COL14A1: variants seen among roughly 807,000 people sequenced by gnomAD.
The protein encoded by COL14A1 is collagen alpha-1(XIV) chain.
Under a neutral mutation model 230.3 loss-of-function variants are expected in COL14A1, and 136 were observed. The ratio of observed to expected loss-of-function variants is 0.59; its 90% CI spans 0.51 to 0.68. COL14A1 has a LOEUF of 0.68. Among genes scored for constraint, COL14A1 ranks in the 30% least tolerant of loss-of-function variants. The pLI, the probability that COL14A1 is intolerant of heterozygous loss-of-function variation, is 0.00. For synonymous variants in COL14A1, 792 were observed against 784.1 expected (o/e 1.01, Z -0.17); for missense variants, 1,976 against 2,215.8 (o/e 0.89, Z 2.17).
At chr8:120,163,090 G>T (rs1040971279) in intron 4 of COL14A1, among the ~76,000 whole-genome samples, 6 of 152,158 alleles carry the variant, frequency 3.9e-5, no homozygotes, top group African/African-American at 1.4e-4. Flanking sequence ...CCCAGAAGGC[G>T]CCAGTCCAGG....
intron 36 of COL14A1, among the ~76,000 whole-genome samples, chr8:120,302,922 G>T (rs1174480435): frequency 1.3e-5 from 2 of 152,114 alleles, no homozygotes; most frequent in Non-Finnish European, 2.9e-5. Context: ...TCTTTGAGCA[G>T]TGTTATAATT....
At chr8:120,326,628 T>C (rs1821678444) in intron 40 of COL14A1, among the ~76,000 whole-genome samples, 1 of 152,240 alleles carries the variant, frequency 6.6e-6, no homozygotes, top group Non-Finnish European at 1.5e-5. Context: ...TTTGTGTTTT[T>C]GAAATGGTGT....
At chr8:120,245,452 A>G (rs905942378) in intron 20 of COL14A1, among the ~76,000 whole-genome samples, 22 of 152,228 alleles carry the variant, frequency 1.4e-4, no homozygotes, top group African/African-American at 5.3e-4. Flanking sequence ...AGAAAGATGC[A>G]TGAAAACCCT....
Position 120,283,639 on chromosome 8 carries a change from C to G in COL14A1, c.3828C>G (p.Tyr1276Ter), listed in dbSNP as rs1282350035. The G allele has an allele frequency of 3.1e-6, 5 of 1,607,906 alleles. No homozygotes were observed. Among genetic ancestry groups the G allele is most frequent in the African/African-American group, 1.3e-5 (1 of 74,582 alleles). Reference sequence around the variant, plus strand: ...ATGGTTTTCTTTCTATGTTCAGGTACTTGCACCCAGAAGGATTGCCCTCCG... The same window carrying G: ...ATGGTTTTCTTTCTATGTTCAGGTAGTTGCACCCAGAAGGATTGCCCTCCG... ...KDALVSQPTR[Y>*]LHPEGLPSDY... The change falls in exon 32 of 48, where the codon TAC becomes TAG. Residue 1276 changes from tyrosine to a stop codon, truncating the protein, a stop_gained. Transcript: ENST00000297848. LOFTEE classifies it high-confidence loss of function.
intron 22 of COL14A1, among the ~76,000 whole-genome samples, chr8:120,252,996 C>A (rs1389677733): frequency 2.6e-5 from 4 of 152,228 alleles, no homozygotes; most frequent in African/African-American, 7.2e-5. Context: ...GCCTAGGAAG[C>A]CTTTGGTTGG....
In COL14A1 at chr8:120,315,460, A is replaced by G; in HGVS notation, c.4552-73A>G. 7.7e-6 allele frequency: 9 copies of G among 1,164,064 alleles called. No individual in the cohort carries two copies. In the South Asian group the frequency reaches 1.2e-4, roughly 15 times the overall value. 72.1% of individuals were successfully genotyped at this position (1,164,064 alleles called of 1,614,324 possible). On this transcript the variant is annotated intron_variant, in intron 38 of 47. Transcript: ENST00000297848. The stretch of plus-strand genomic sequence containing the variant: ...GATTTACTGTGGAAACTATTTAAAT[A>G]ATGAGAGAAGGAAAAGAAAACGCTA...
rs530179261 is a variant in COL14A1 at position 120,236,986 on chromosome 8, C to T, written c.2349+5368C>T. On this transcript the variant is annotated intron_variant, in intron 19 of 47. Coordinates refer to ENST00000297848, the MANE Select transcript of COL14A1 (RefSeq NM_021110.4). ...CTTGTAGAGTTTCTGCAGAGAGATC[C>T]GCTGTTAGACCGATGGGCTTCCCTT... is the stretch of plus-strand genomic sequence containing the variant. Among the ~76,000 whole-genome samples, 66 of 152,294 alleles carry T rather than the reference C, an allele frequency of 4.3e-4. 1 individual carries two copies. The highest frequency in any genetic ancestry group is 3.4e-3 in the Middle Eastern group (1 of 294).
At chr8:120,366,923 G>C (rs1338794931) in intron 45 of COL14A1, among the ~76,000 whole-genome samples, 1 of 152,194 alleles carries the variant, frequency 6.6e-6, no homozygotes, top group East Asian at 1.9e-4. Flanking sequence ...GTAGGAAGGA[G>C]AAAGAGAGAC....
chr8:120,138,152 A>G (rs1814772598), intron 1 of COL14A1, among the ~76,000 whole-genome samples: 3 of 152,110 alleles, frequency 2.0e-5, no homozygotes, highest in Non-Finnish European at 4.4e-5. Context: ...ATATCTATCA[A>G]TATATCTATA....
chr8:120,155,294 TTTG>T (rs1231399156), intron 2 of COL14A1, among the ~76,000 whole-genome samples: 1 of 152,216 alleles, frequency 6.6e-6, no homozygotes, highest in Non-Finnish European at 1.5e-5. Flanking sequence ...AGTTTTACAC[TTTG>T]TTTTCTTGAG....
At chr8:120,309,983 G>A (rs1236213904) in intron 36 of COL14A1, 26 bp from the exon 37 acceptor site, 27 of 1,611,720 alleles carry the variant, frequency 1.7e-5, no homozygotes, top group Non-Finnish European at 2.0e-5. Flanking sequence ...TTGTCTTTGA[G>A]CTAATACTTA....
In COL14A1 at chr8:120,168,230, G is replaced by T; in HGVS notation, c.419G>T (p.Arg140Ile). Residue 140 changes from arginine to isoleucine, a missense_variant, in exon 5 of 48, where the codon AGA becomes ATA. Around this residue, in one of 3 missense-constraint regions of COL14A1, gnomAD observed 181 missense variants for 178.6 expected, o/e 1.01. Coordinates refer to ENST00000297848, the MANE Select transcript of COL14A1 (RefSeq NM_021110.4). Reference sequence around the variant, plus strand: ...GTTGTGGACAGAGGAAATGGGAGTAGACCATCTTCACCAGAAGGTCAGAGA... The same window carrying T: ...GTTGTGGACAGAGGAAATGGGAGTATACCATCTTCACCAGAAGGTCAGAGA... ...VKVVDRGNGS[R>I]PSSPEEVKFV... 1 of 1,611,008 alleles carries T rather than the reference G, an allele frequency of 6.2e-7. No homozygotes were observed. The highest frequency in any genetic ancestry group is 1.1e-5 in the South Asian group (1 of 90,696).
intron 5 of COL14A1, among the ~76,000 whole-genome samples, chr8:120,193,914 T>G (rs1816930774): frequency 1.3e-5 from 2 of 152,178 alleles, no homozygotes; most frequent in Non-Finnish European, 2.9e-5. Flanking sequence ...AGCGCAGTAT[T>G]AGGGTGGGAG....
chr8:120,335,757 G>A (rs1409665625), intron 42 of COL14A1, among the ~76,000 whole-genome samples: 3 of 152,200 alleles, frequency 2.0e-5, no homozygotes, highest in Non-Finnish European at 4.4e-5. Flanking sequence ...CTGCTGCTGA[G>A]GTCCTAATTC....
chr8:120,323,482 A>G (rs1821536421), intron 40 of COL14A1, among the ~76,000 whole-genome samples: 1 of 152,018 alleles, frequency 6.6e-6, no homozygotes, highest in Non-Finnish European at 1.5e-5. Flanking sequence ...TTGTCATGAA[A>G]TCTTTGCCCG....
intron 21 of COL14A1, among the ~76,000 whole-genome samples, chr8:120,250,394 G>A (rs1818898948): frequency 6.6e-6 from 1 of 152,168 alleles, no homozygotes; most frequent in African/African-American, 2.4e-5. Context: ...ATAAGTACAA[G>A]GATAAAACTA....
Position 120,345,552 on chromosome 8 carries a change from C to G in COL14A1, c.5066C>G (p.Pro1689Arg). ...FPGNAGVPGTPGERGLTGIKG... is the reference protein window; with the variant it reads ...FPGNAGVPGTRGERGLTGIKG... ...GGAAATGCAGGCGTGCCAGGGACCC[C>G]AGGAGAACGAGGTAAGCTGGGCCCC... Residue 1689 changes from proline (P) to arginine (R), a missense_variant, in exon 45 of 48, where the codon CCA (proline) becomes CGA (arginine). By Grantham distance (103) the Pro-to-Arg change is moderately radical. Transcript: ENST00000297848. 1 of 1,549,864 alleles carries G rather than the reference C, an allele frequency of 6.5e-7. No individual in the cohort carries two copies. Among genetic ancestry groups the G allele is most frequent in the Non-Finnish European group, 8.7e-7 (1 of 1,155,286 alleles).
chr8:120,157,802 G>C (rs1164238577), intron 2 of COL14A1, among the ~76,000 whole-genome samples: 1 of 152,024 alleles, frequency 6.6e-6, no homozygotes, highest in Non-Finnish European at 1.5e-5. Context: ...TGGCCAAGAT[G>C]GTGAAACCCC....
chr8:120,273,341 T>C (rs764832076), intron 26 of COL14A1, among the ~76,000 whole-genome samples: 1 of 151,606 alleles, frequency 6.6e-6, no homozygotes, highest in Non-Finnish European at 1.5e-5. Flanking sequence ...TCAAAAAGTC[T>C]GAAAAAGCAC....
Sources: gnomAD v4.1 joint callset for allele counts (sites outside exome capture counted in the v4.1 genomes callset) on GRCh38, gnomAD v4.1.1 for gene constraint, gnomAD v4.1.1 regional missense constraint, MANE v1.5 for transcripts, NCBI Gene and HGNC (gene_info 2026-07-23, HGNC 2026-07-21) for gene names.